The following PVR variants were observed in gnomAD, a reference collection of about 807,000 sequenced individuals.
PVR encodes the protein poliovirus receptor.
A neutral mutation model predicts 43.3 loss-of-function variants in PVR; 39 were observed. The observed-to-expected ratio is 0.90, with a 90% confidence interval of 0.70 to 1.18. The LOEUF is 1.18. Among genes scored for constraint, PVR ranks in the 50% most tolerant of loss-of-function variants. The pLI, the probability that PVR is intolerant of heterozygous loss-of-function variation, is 0.00. For synonymous variants in PVR, 224 were observed against 233.2 expected (o/e 0.96, Z 0.36); for missense variants, 480 against 549.7 (o/e 0.87, Z 1.27).
chr19:44,655,759 T>C (rs969856913), intron 4 of PVR, among the ~76,000 whole-genome samples: 1 of 151,978 alleles, frequency 6.6e-6, no homozygotes, highest in African/African-American at 2.4e-5. Context: ...ATTCCCCTGC[T>C]AACATTTTAC....
intron 1 of PVR, 80 bp downstream of exon 1, chr19:44,644,255 T>A (rs2123739660): frequency 8.8e-7 from 1 of 1,141,050 alleles, no homozygotes; most frequent in East Asian, 3.2e-5. Flanking sequence ...CCCCCTTGGG[T>A]TCCCGAAGAT....
chr19:44,647,151 G>T (rs1599759035), intron 1 of PVR, 72 bp from the exon 2 acceptor site: 2 of 1,169,648 alleles, frequency 1.7e-6, no homozygotes, highest in South Asian at 3.2e-5. Flanking sequence ...CAGGTGCCCG[G>T]GCTCCTGGAG....
In PVR at chr19:44,657,872, T is replaced by TTCTGCAACGTCACTTCTCTCTACTATCTC. The variant is rs1445445357; in HGVS notation, c.953_954insTCTGCAACGTCACTTCTCTCTACTATCTC (p.Gly319LeufsTer17). ...TTAATCTGCAACGTCACCAATGCCCTAGGAGCTCGCCAGGCAGAACTGACC... is the reference window on the plus strand; with the variant it reads ...TTAATCTGCAACGTCACCAATGCCCTTCTGCAACGTCACTTCTCTCTACTATCTCAGGAGCTCGCCAGGCAGAACTGACC... On this transcript the variant is annotated frameshift_variant, in exon 5 of 8. Coordinates refer to ENST00000425690, the MANE Select transcript of PVR (RefSeq NM_006505.5). LOFTEE classifies it high-confidence loss of function. The TTCTGCAACGTCACTTCTCTCTACTATCTC allele has an allele frequency of 6.2e-7, 1 of 1,613,882 alleles. No individual in the cohort carries two copies. The highest frequency in any genetic ancestry group is 1.1e-5 in the South Asian group (1 of 91,062).
intron 2 of PVR, 101 bp downstream of exon 2, chr19:44,647,671 T>G: frequency 1.4e-3 from 654 of 451,082 alleles, no homozygotes; most frequent in Non-Finnish European, 2.1e-3. Context: ...GGAGGGAGAT[T>G]CCCTCCACAG....
At chr19:44,644,983 CA>C (rs1299469597) in intron 1 of PVR, among the ~76,000 whole-genome samples, 3 of 120,628 alleles carry the variant, frequency 2.5e-5, no homozygotes, top group Non-Finnish European at 4.8e-5. Flanking sequence ...TTATATATTA[CA>C]TATTATAGTA....
intron 3 of PVR, 107 bp downstream of exon 3, chr19:44,650,212 C>T (rs1599762900): frequency 8.9e-7 from 1 of 1,129,128 alleles, no homozygotes; most frequent in East Asian, 2.7e-5. Context: ...ATCATCTGCA[C>T]CGGCTCCCCT....
chr19:44,645,393 A>G (rs1466966300), intron 1 of PVR, among the ~76,000 whole-genome samples: 5 of 100,958 alleles, frequency 5.0e-5, no homozygotes, highest in Non-Finnish European at 9.0e-5. Flanking sequence ...AACATATTTT[A>G]TTATTTATTT....
At chr19:44,647,083 T>TCCCCCCCCCCCCCCC in intron 1 of PVR, 140 bp from the exon 2 acceptor site, 1 of 30,342 alleles carries the variant, frequency 3.3e-5, no homozygotes, top group Non-Finnish European at 6.2e-5. Flanking sequence ...CAGTTCCCCC[T>TCCCCCCCCCCCCCCC]CCCCCCACAC....
At position 44,645,123 on chromosome 19, in the gene PVR, ATTAT is replaced by A. The variant is rs1599755961; in HGVS notation, c.79+949_79+952del. On this transcript the variant is annotated intron_variant, in intron 1 of 7. Transcript: ENST00000425690. The stretch of plus-strand genomic sequence containing the variant: ...TATATATTATAGTAATATATAATAT[ATTAT>A]AATATATTATATATATTATTATAAT... Among the ~76,000 whole-genome samples the A allele has an allele frequency of 9.6e-4, 59 of 61,560 alleles. 1 individual carries two copies. The highest frequency in any genetic ancestry group is 5.8e-3 in the East Asian group (11 of 1,898). The allele number at this position is 61,560 out of a possible 152,430, so 40.4% of individuals were successfully genotyped here. A position where few individuals can be genotyped will look rare whatever the true frequency, so the allele number is the denominator to read the frequency against.
At position 44,654,002 on chromosome 19, in the gene PVR, G is replaced by C. The variant is rs577744137; in HGVS notation, c.827G>C (p.Gly276Ala). 5.6e-6 allele frequency: 9 copies of C among 1,613,608 alleles called. No homozygotes were observed. In the South Asian group the frequency reaches 9.9e-5, roughly 18 times the overall value. ...GCTCGCAGCAACCCAGAGCCCACAG[G>C]CTATAATTGGAGCACGTGAGTCCTG... ...CDARSNPEPTGYNWSTTMGPL... is the reference protein window; with the variant it reads ...CDARSNPEPTAYNWSTTMGPL... Residue 276 changes from glycine (G) to alanine (A), a missense_variant, in exon 4 of 8, where the codon GGC becomes GCC. Transcript: ENST00000425690.
intron 5 of PVR, among the ~76,000 whole-genome samples, chr19:44,658,183 C>T (rs1973503881): frequency 6.6e-6 from 1 of 152,140 alleles, no homozygotes; most frequent in Non-Finnish European, 1.5e-5. Flanking sequence ...TTAGGCAGAC[C>T]TCTATCAATT....
Position 44,661,947 on chromosome 19 carries a change from G to C in PVR, c.*136G>C. On this transcript the variant is annotated 3_prime_UTR_variant, in exon 8 of 8. Transcript: ENST00000425690. ...TCCCTGTGCCAGACCTCAAAACGAC[G>C]GGGGCAGGTGCAAGTTCATAGGTCT... 1 of 742,706 alleles carries C rather than the reference G, an allele frequency of 1.3e-6. No homozygotes were observed. The highest frequency in any genetic ancestry group is 2.2e-6 in the Non-Finnish European group (1 of 446,746). The allele number at this position is 742,706 out of a possible 1,614,324, so 46.0% of individuals were successfully genotyped here. A position where few individuals can be genotyped will look rare whatever the true frequency, so the allele number is the denominator to read the frequency against.
Position 44,649,877 on chromosome 19 carries a change from T to C in PVR, c.496T>C (p.Cys166Arg), listed in dbSNP as rs1298673352. The change falls in exon 3 of 8, where the codon TGC (cysteine) becomes CGC (arginine). Residue 166 changes from cysteine (C) to arginine (R), a missense_variant. Coordinates refer to ENST00000425690, the MANE Select transcript of PVR (RefSeq NM_006505.5). The stretch of plus-strand genomic sequence containing the variant: ...TGGAGAGCCAGTGCCCATGGCCCGC[T>C]GCGTCTCCACAGGGGGTCGCCCGCC... ...LTGEPVPMARCVSTGGRPPAQ... is the reference protein window; with the variant it reads ...LTGEPVPMARRVSTGGRPPAQ... The C allele has an allele frequency of 3.7e-6, 6 of 1,613,962 alleles. No homozygotes were observed. The highest frequency in any genetic ancestry group is 2.5e-6 in the Non-Finnish European group (3 of 1,179,996).
At chr19:44,652,707 A>T (rs993360075) in intron 3 of PVR, among the ~76,000 whole-genome samples, 6 of 151,216 alleles carry the variant, frequency 4.0e-5, no homozygotes, top group Non-Finnish European at 7.4e-5. Context: ...TGGAGACAGG[A>T]TCTCCCTATG....
chr19:44,651,820 A>T (rs1021059521), intron 3 of PVR, among the ~76,000 whole-genome samples: 6 of 152,226 alleles, frequency 3.9e-5, no homozygotes, highest in African/African-American at 1.4e-4. Flanking sequence ...TGCAAGCTGC[A>T]TATAGGATTT....
chr19:44,649,427 C>CTTTT (rs35536545), intron 2 of PVR, among the ~76,000 whole-genome samples: 2 of 125,452 alleles, frequency 1.6e-5, no homozygotes, highest in East Asian at 2.4e-4. Flanking sequence ...CATTCTGTAT[C>CTTTT]TTTTTTTTTT....
rs185386090 is a variant in PVR, at chr19:44,660,642, C to T, written c.1151-650C>T. Among the ~76,000 whole-genome samples the T allele has an allele frequency of 3.5e-3, 532 of 152,212 alleles. 4 individuals carry two copies. Among genetic ancestry groups the T allele is most frequent in the African/African-American group, 0.013 (522 of 41,532 alleles). ...GGCTCAGGTGATTCTCCCACCTCAG[C>T]CTCTCGAGTAGCTGGGATTATAGGC... On this transcript the variant is annotated intron_variant, in intron 6 of 7. Transcript: ENST00000425690.
At chr19:44,661,351 G>T (rs760043810) in intron 7 of PVR, 28 bp downstream of exon 7, 6 of 1,612,206 alleles carry the variant, frequency 3.7e-6, no homozygotes, top group Non-Finnish European at 5.1e-6. Context: ...GCTAAGGAGG[G>T]TGTGGGGTCT....
intron 1 of PVR, among the ~76,000 whole-genome samples, chr19:44,646,342 T>C (rs56261258): frequency 0.93 from 140,783 of 152,150 alleles, 65,306 homozygotes; most frequent in East Asian, 1. Context: ...AATAATGCAG[T>C]GTTTCATGGA....
Sources: gnomAD v4.1 joint callset for allele counts (sites outside exome capture counted in the v4.1 genomes callset) on GRCh38, gnomAD v4.1.1 for gene constraint, MANE v1.5 for transcripts, NCBI Gene and HGNC (gene_info 2026-07-23, HGNC 2026-07-21) for gene names.